The following NDFIP2 variants were observed in gnomAD, a reference collection of about 807,000 sequenced individuals.
NDFIP2 encodes the protein NEDD4 family-interacting protein 2.
Under a neutral mutation model 36.0 loss-of-function variants are expected in NDFIP2, and 19 were observed. That is an observed-to-expected ratio of 0.53 (90% CI 0.37 to 0.77). The LOEUF (loss-of-function observed/expected upper bound fraction) is 0.77. Among genes scored for constraint, NDFIP2 ranks in the 30% least tolerant of loss-of-function variants. NDFIP2 has a pLI of 0.00. For synonymous variants in NDFIP2, 181 were observed against 167.7 expected, an observed-to-expected ratio of 1.08 and a Z score of -0.61; for missense variants, 446 against 435.8, an observed-to-expected ratio of 1.02 and a Z score of -0.21.
At position 79,551,130 on chromosome 13, in the gene NDFIP2, A is replaced by C; in HGVS notation, c.*2+8A>C. 1 of 1,544,030 alleles carries C rather than the reference A, an allele frequency of 6.5e-7. No individual in the cohort carries two copies. The highest frequency in any genetic ancestry group is 8.8e-7 in the Non-Finnish European group (1 of 1,130,260). The stretch of plus-strand genomic sequence containing the variant: ...TTTCTTCTTATTGTAGAGGTAAGAA[A>C]TATTAATCTGTGAACTCTGCCTATT... On this transcript the variant is annotated splice_region_variant and intron_variant, in intron 7 of 7. Transcript: ENST00000218652.
intron 1 of NDFIP2, among the ~76,000 whole-genome samples, chr13:79,483,132 C>T (rs1315173738): frequency 6.6e-6 from 1 of 151,692 alleles, no homozygotes; most frequent in Non-Finnish European, 1.5e-5. Context: ...TTCAAACTGA[C>T]GATGTGTCCT....
chr13:79,537,921 T>C lies in NDFIP2; in HGVS notation c.622-1761T>C, dbSNP rs146114333. ...TATAAAGAAAAGAGGTTTAATTGAC[T>C]TACAGTTCTGCAGACTGTATAGGAA... On this transcript the variant is annotated intron_variant, in intron 3 of 7. Transcript: ENST00000218652. 1.3e-4 allele frequency among the ~76,000 whole-genome samples: 20 copies of C among 152,220 alleles called. 1 individual carries two copies. Among genetic ancestry groups the C allele is most frequent in the Admixed American group, 1.3e-3 (20 of 15,286 alleles).
rs2079810941 is a variant in NDFIP2 at position 79,481,353 on chromosome 13, G to T, written c.150G>T (p.Pro50=). The T allele has an allele frequency of 1.3e-6, 2 of 1,550,622 alleles. No homozygotes were observed. The highest frequency in any genetic ancestry group is 1.4e-5 in the African/African-American group (1 of 73,548). ...GAGCCACAGGAAGTGAAGAGCTTCC[G>T]CCGGGAGACCGCGGCTGCAGGAACG... The part of the protein sequence containing the change: ...AAGATGSEEL[P]PGDRGCRNGG... Residue 50 remains proline, a synonymous_variant, in exon 1 of 8, where the codon CCG becomes CCT. Transcript: ENST00000218652.
chr13:79,555,990 A>G lies in NDFIP2; in HGVS notation c.*3477A>G, dbSNP rs1876096667. The G allele has an allele frequency of 6.6e-6, 1 of 152,192 alleles. No individual in the cohort carries two copies. The highest frequency in any genetic ancestry group is 2.4e-5 in the African/African-American group (1 of 41,456). 9.4% of individuals were successfully genotyped at this position (152,192 alleles called of 1,614,324 possible). A position where few individuals can be genotyped will look rare whatever the true frequency, so the allele number is the denominator to read the frequency against. On this transcript the variant is annotated 3_prime_UTR_variant, in exon 8 of 8. Transcript: ENST00000218652. ...CTTGTGAAATTAGGTTGGGGTTGCAACATCTTTTAACTTCTCAGTTATTTG... is the reference window on the plus strand; with the variant it reads ...CTTGTGAAATTAGGTTGGGGTTGCAGCATCTTTTAACTTCTCAGTTATTTG...
chr13:79,514,850 T>C (rs576587912), intron 1 of NDFIP2, among the ~76,000 whole-genome samples: 1 of 152,322 alleles, frequency 6.6e-6, no homozygotes, highest in South Asian at 2.1e-4. Flanking sequence ...AAAGATACTC[T>C]TTCTGATTTG....
chr13:79,529,949 T>A (rs1219240628), intron 2 of NDFIP2, among the ~76,000 whole-genome samples: 1 of 152,238 alleles, frequency 6.6e-6, no homozygotes. Flanking sequence ...ATGTTTACGC[T>A]ATACTCTTAA....
rs1874742363 is a variant in NDFIP2 at position 79,525,165 on chromosome 13, T to A, written c.487+4190T>A. ...CTCAGTGTCTCTGGTTTCAGGAGATTCCTTGCTGAAATCTTTGTATAGGCT... is the reference window on the plus strand; with the variant it reads ...CTCAGTGTCTCTGGTTTCAGGAGATACCTTGCTGAAATCTTTGTATAGGCT... On this transcript the variant is annotated intron_variant, in intron 2 of 7. Coordinates refer to ENST00000218652, the MANE Select transcript of NDFIP2 (RefSeq NM_019080.3). 3.3e-5 allele frequency among the ~76,000 whole-genome samples: 5 copies of A among 152,336 alleles called. No individual in the cohort carries two copies. The South Asian group carries it at 1.0e-3, about 32-fold the overall frequency.
At chr13:79,489,627 A>G (rs1873148978) in intron 1 of NDFIP2, among the ~76,000 whole-genome samples, 1 of 152,178 alleles carries the variant, frequency 6.6e-6, no homozygotes, top group African/African-American at 2.4e-5. Context: ...TCCACTCTTA[A>G]GTTGTGACAG....
intron 1 of NDFIP2, among the ~76,000 whole-genome samples, chr13:79,508,305 T>A (rs1365100453): frequency 1.3e-5 from 2 of 152,198 alleles, no homozygotes; most frequent in Non-Finnish European, 2.9e-5. Context: ...TTTACTAGTG[T>A]TACTGGAAAG....
At position 79,520,891 on chromosome 13, in the gene NDFIP2, G is replaced by A. The variant is rs1874549079; in HGVS notation, c.403G>A (p.Ala135Thr). 6.2e-7 allele frequency: 1 copy of A among 1,613,900 alleles called. No homozygotes were observed. The highest frequency in any genetic ancestry group is 1.1e-5 in the South Asian group (1 of 91,066). ...TSNPAPQIVQAASSAPALETD... is the reference protein window; with the variant it reads ...TSNPAPQIVQTASSAPALETD... ...AAACCCAGCACCGCAGATTGTGCAG[G>A]CTGCGTCTTCAGCACCAGCACTTGA... The change falls in exon 2 of 8, where the codon GCT becomes ACT. Residue 135 changes from alanine (A) to threonine (T), a missense_variant. By Grantham distance (58) the Ala-to-Thr change is moderately conservative (BLOSUM62 0). Transcript: ENST00000218652.
chr13:79,540,953 A>G (rs1047168564), intron 4 of NDFIP2, among the ~76,000 whole-genome samples: 2 of 152,076 alleles, frequency 1.3e-5, no homozygotes, highest in African/African-American at 4.8e-5. Flanking sequence ...TGTGGTTACA[A>G]ATGAGTGCTG....
intron 2 of NDFIP2, among the ~76,000 whole-genome samples, chr13:79,521,219 A>G (rs925229875): frequency 6.6e-6 from 1 of 152,114 alleles, no homozygotes; most frequent in Non-Finnish European, 1.5e-5. Context: ...GTGAATGAGA[A>G]TGTGGTATAT....
chr13:79,512,616 T>C (rs565147094), intron 1 of NDFIP2, among the ~76,000 whole-genome samples: 1 of 152,326 alleles, frequency 6.6e-6, no homozygotes, highest in South Asian at 2.1e-4. Flanking sequence ...AGCTGCACAT[T>C]TGACCATTTG....
At position 79,535,736 on chromosome 13, in the gene NDFIP2, T is replaced by C. The variant is rs142141555; in HGVS notation, c.621+2280T>C. Among the ~76,000 whole-genome samples, 320 of 152,312 alleles carry C rather than the reference T, an allele frequency of 2.1e-3. 2 individuals are homozygous for C. Among genetic ancestry groups the C allele is most frequent in the African/African-American group, 7.3e-3 (305 of 41,578 alleles). ...CCATTACCTGATTGAGATGAAAAAT[T>C]GGTCAATGCTTGAAAATTGCTAGGA... is the stretch of plus-strand genomic sequence containing the variant. On this transcript the variant is annotated intron_variant, in intron 3 of 7. Transcript: ENST00000218652.
At chr13:79,485,741 T>C (rs777892237) in intron 1 of NDFIP2, among the ~76,000 whole-genome samples, 7 of 152,224 alleles carry the variant, frequency 4.6e-5, no homozygotes, top group Non-Finnish European at 7.3e-5. Flanking sequence ...TCTTTGAAAC[T>C]CCGTCCTTAT....
Position 79,520,918 on chromosome 13 carries a change from A to G in NDFIP2, c.430A>G (p.Thr144Ala). The G allele has an allele frequency of 6.2e-7, 1 of 1,613,662 alleles. No individual in the cohort carries two copies. The highest frequency in any genetic ancestry group is 8.5e-7 in the Non-Finnish European group (1 of 1,179,766). ...TGCGTCTTCAGCACCAGCACTTGAA[A>G]CTGACTCTTCCCCTCCACCATATAG... ...QAASSAPALETDSSPPPYSSI... is the reference protein window; with the variant it reads ...QAASSAPALEADSSPPPYSSI... Residue 144 changes from threonine (T) to alanine (A), a missense_variant, in exon 2 of 8, where the codon ACT becomes GCT. Coordinates refer to ENST00000218652, the MANE Select transcript of NDFIP2 (RefSeq NM_019080.3).
chr13:79,515,960 A>C (rs1019237037), intron 1 of NDFIP2, among the ~76,000 whole-genome samples: 1 of 148,094 alleles, frequency 6.8e-6, no homozygotes. Flanking sequence ...GGGTCATAGT[A>C]TCTTAGAGTT....
intron 1 of NDFIP2, among the ~76,000 whole-genome samples, chr13:79,502,793 A>G (rs1207123440): frequency 1.3e-5 from 2 of 151,996 alleles, no homozygotes; most frequent in African/African-American, 2.4e-5. Flanking sequence ...ATACATATAT[A>G]TTTCTTTTCA....
chr13:79,500,208 C>G (rs1237098087), intron 1 of NDFIP2, among the ~76,000 whole-genome samples: 1 of 149,494 alleles, frequency 6.7e-6, no homozygotes, highest in African/African-American at 2.4e-5. Context: ...GACTTGTACA[C>G]CCTCTACACA....
Sources: allele counts gnomAD v4.1 joint callset (sites outside exome capture counted in the v4.1 genomes callset), GRCh38; gene constraint gnomAD v4.1.1; transcripts MANE v1.5; gene names NCBI Gene and HGNC (gene_info 2026-07-23, HGNC 2026-07-21).